Variants in ASTN2 observed in about 807,000 individuals in gnomAD.
The protein encoded by ASTN2 is astrotactin-2.
Under a neutral mutation model 139.8 loss-of-function variants are expected in ASTN2, and 54 were observed. That is an observed-to-expected ratio of 0.39 (90% CI 0.31 to 0.48). The LOEUF (loss-of-function observed/expected upper bound fraction) is 0.48. Among genes scored for constraint, ASTN2 ranks in the 20% least tolerant of loss-of-function variants. ASTN2 has a pLI of 0.95. For missense variants in ASTN2, 1,565 were observed against 1,725.1 expected, an observed-to-expected ratio of 0.91 and a Z score of 1.64; for synonymous variants, 756 against 719.5, an observed-to-expected ratio of 1.05 and a Z score of -0.81.
intron 10 of ASTN2, among the ~76,000 whole-genome samples, chr9:116,922,065 G>A (rs543074277): frequency 6.6e-6 from 1 of 152,166 alleles, no homozygotes; most frequent in East Asian, 1.9e-4. Flanking sequence ...TCTCACAGAA[G>A]TTCCTCTGCC....
chr9:116,563,177 C>T (rs58637290), intron 19 of ASTN2, among the ~76,000 whole-genome samples: 24,047 of 151,714 alleles, frequency 0.16, 2,076 homozygotes, highest in African/African-American at 0.21. Flanking sequence ...AGATAGAGAC[C>T]ATCCTGGCTA....
At chr9:116,872,631 C>T (rs140982451) in intron 10 of ASTN2, among the ~76,000 whole-genome samples, 1 of 151,132 alleles carries the variant, frequency 6.6e-6, no homozygotes, top group East Asian at 1.9e-4. Flanking sequence ...ACAAAGATGA[C>T]TCTCTCTCTC....
chr9:117,067,724 T>A (rs1213548451), intron 5 of ASTN2, among the ~76,000 whole-genome samples: 1 of 108,682 alleles, frequency 9.2e-6, no homozygotes, highest in Admixed American at 9.1e-5. Flanking sequence ...GTCCTTCACA[T>A]CCCTTGTAAG....
chr9:116,559,521 A>G (rs915334530), intron 19 of ASTN2, among the ~76,000 whole-genome samples: 4 of 152,142 alleles, frequency 2.6e-5, no homozygotes, highest in African/African-American at 9.7e-5. Context: ...GTGTATGTAC[A>G]TGTCTAACTG....
At chr9:116,687,007 G>A in intron 16 of ASTN2, 1 of 1,409,480 alleles carries the variant, frequency 7.1e-7, no homozygotes, top group Non-Finnish European at 9.2e-7. Context: ...ACCGTTTTGT[G>A]AAGGGGTAGA....
intron 1 of ASTN2, among the ~76,000 whole-genome samples, chr9:117,345,268 C>A (rs1829180668): frequency 1.3e-5 from 2 of 152,088 alleles, no homozygotes. Context: ...TAGTATGTGT[C>A]AGCCACAGTC....
intron 19 of ASTN2, among the ~76,000 whole-genome samples, chr9:116,519,997 G>A (rs1486118384): frequency 6.6e-6 from 1 of 151,982 alleles, no homozygotes; most frequent in Non-Finnish European, 1.5e-5. Context: ...CAAGCAGTGA[G>A]ATTGAAATAA....
At chr9:116,901,454 C>A (rs1834008739) in intron 10 of ASTN2, among the ~76,000 whole-genome samples, 1 of 152,126 alleles carries the variant, frequency 6.6e-6, no homozygotes, top group Non-Finnish European at 1.5e-5. Flanking sequence ...GAGGTTGAGG[C>A]AGCAGTGAGC....
intron 2 of ASTN2, among the ~76,000 whole-genome samples, chr9:117,244,683 C>T (rs1196486626): frequency 1.9e-4 from 21 of 111,296 alleles, no homozygotes; most frequent in African/African-American, 5.7e-4. Context: ...GATGGAAGGA[C>T]AGAAGGAAGG....
intron 16 of ASTN2, among the ~76,000 whole-genome samples, chr9:116,677,468 G>A (rs1356136678): frequency 6.6e-6 from 1 of 152,064 alleles, no homozygotes. Context: ...AGAGAGCTTT[G>A]GTTTGTAATA....
chr9:116,523,163 T>G (rs902792039), intron 19 of ASTN2, among the ~76,000 whole-genome samples: 1 of 152,010 alleles, frequency 6.6e-6, no homozygotes, highest in African/African-American at 2.4e-5. Context: ...CAAGAGAGCA[T>G]GCCTTTCTCA....
rs752111718 is a variant in ASTN2, at chr9:117,119,990, A to ATGTGTGTG, written c.1168+21328_1168+21335dup. ...TATATAGATATCTCTATATATTTGT[A>ATGTGTGTG]TGTGTGTGTGTGTGTGTGTGTGTGT... On this transcript the variant is annotated intron_variant, in intron 4 of 22. Transcript: ENST00000313400. 3.5e-3 allele frequency among the ~76,000 whole-genome samples: 254 copies of ATGTGTGTG among 73,174 alleles called. 3 individuals are homozygous for ATGTGTGTG. The highest frequency in any genetic ancestry group is 0.012 in the East Asian group (18 of 1,564). The allele number at this position is 73,174 out of a possible 152,430, so 48.0% of individuals were successfully genotyped here.
chr9:117,168,252 C>A (rs1432947702), intron 3 of ASTN2, among the ~76,000 whole-genome samples: 2 of 152,056 alleles, frequency 1.3e-5, no homozygotes, highest in East Asian at 3.9e-4. Flanking sequence ...TGGGAAGAAC[C>A]AAGAAAATTA....
chr9:117,018,332 T>C (rs1445947156), intron 6 of ASTN2, among the ~76,000 whole-genome samples: 1 of 152,192 alleles, frequency 6.6e-6, no homozygotes, highest in African/African-American at 2.4e-5. Flanking sequence ...TGTGCTTCCT[T>C]CTGCCTTTCC....
At chr9:116,439,193 CATT>C (rs1564277554) in intron 22 of ASTN2, among the ~76,000 whole-genome samples, 6 of 102,778 alleles carry the variant, frequency 5.8e-5, no homozygotes, top group African/African-American at 2.2e-4. Context: ...TATTCAAATA[CATT>C]TTTTTTTTTT....
intron 2 of ASTN2, among the ~76,000 whole-genome samples, chr9:117,239,443 C>A (rs998073201): frequency 3.9e-5 from 6 of 152,190 alleles, no homozygotes; most frequent in African/African-American, 1.4e-4. Context: ...GAGAAGCAGG[C>A]AGATGTTGGC....
chr9:117,088,532 G>A (rs1485228355), intron 5 of ASTN2, among the ~76,000 whole-genome samples: 1 of 152,066 alleles, frequency 6.6e-6, no homozygotes. Context: ...GAGGTGGGAG[G>A]AGAATCATAA....
At chr9:117,054,374 C>A (rs1333622337) in intron 5 of ASTN2, among the ~76,000 whole-genome samples, 12 of 152,276 alleles carry the variant, frequency 7.9e-5, no homozygotes, top group South Asian at 4.2e-4. Context: ...ACTTCTGTCC[C>A]CTGTTCATCA....
At chr9:116,479,314 T>A (rs1431221693) in intron 20 of ASTN2, among the ~76,000 whole-genome samples, 1 of 152,176 alleles carries the variant, frequency 6.6e-6, no homozygotes, top group Non-Finnish European at 1.5e-5. Context: ...GGTAGGAATG[T>A]AAATAAAGGG....
Sources: gnomAD v4.1 joint callset for allele counts (sites outside exome capture counted in the v4.1 genomes callset) on GRCh38, gnomAD v4.1.1 for gene constraint, MANE v1.5 for transcripts, NCBI Gene and HGNC (gene_info 2026-07-23, HGNC 2026-07-21) for gene names.